Variants in CNBD1 observed in about 807,000 individuals in gnomAD.
CNBD1 encodes cyclic nucleotide-binding domain-containing protein 1.
CNBD1 carries 71 observed loss-of-function variants against 54.4 expected under a neutral mutation model. That is an observed-to-expected ratio of 1.30 (90% CI 1.08 to 1.59). The LOEUF (loss-of-function observed/expected upper bound fraction) is 1.59, where lower values mean the gene tolerates loss of function less well. CNBD1 is among the 40% of genes most tolerant of loss of function. The pLI, the probability that CNBD1 is intolerant of heterozygous loss-of-function variation, is 0.00. For synonymous variants in CNBD1, 182 were observed against 170.7 expected, an observed-to-expected ratio of 1.07 and a Z score of -0.51; for missense variants, 659 against 518.0, an observed-to-expected ratio of 1.27 and a Z score of -2.64.
At chr8:87,291,744 G>A (rs889564312) in intron 8 of CNBD1, among the ~76,000 whole-genome samples, 16 of 152,100 alleles carry the variant, frequency 1.1e-4, no homozygotes, top group East Asian at 1.9e-4. Flanking sequence ...TCAGCCATTC[G>A]AGTAGCTGAG....
intron 2 of CNBD1, among the ~76,000 whole-genome samples, chr8:87,395,562 G>A (rs1329436327): frequency 6.6e-6 from 1 of 151,842 alleles, no homozygotes; most frequent in Non-Finnish European, 1.5e-5. Context: ...CTTTAAAACA[G>A]TGGTACTAAA....
chr8:87,327,171 C>A (rs1230578511), intron 8 of CNBD1, among the ~76,000 whole-genome samples: 9 of 139,794 alleles, frequency 6.4e-5, no homozygotes, highest in Non-Finnish European at 1.1e-4. Flanking sequence ...TCTCAGATCT[C>A]CAGCTGCGTG....
intron 1 of CNBD1, among the ~76,000 whole-genome samples, chr8:86,877,075 T>A (rs905709772): frequency 6.6e-6 from 1 of 152,060 alleles, no homozygotes; most frequent in African/African-American, 2.4e-5. Flanking sequence ...TCTTCACATG[T>A]TGATTTTGTT....
rs75759885 is a variant in CNBD1 at position 87,272,596 on chromosome 8, A to C, written c.772-12082A>C. On this transcript the variant is annotated intron_variant, in intron 6 of 10. Transcript: ENST00000518476. The stretch of plus-strand genomic sequence containing the variant: ...TTTATGACAAGAAAAAGTCTGTGAT[A>C]TTAAGCTCCCAAAATGTATCATCTT... Among the ~76,000 whole-genome samples, 1,307 of 152,100 alleles carry C rather than the reference A, an allele frequency of 8.6e-3. 33 individuals carry two copies. The highest frequency in any genetic ancestry group is 0.03 in the African/African-American group (1,229 of 41,558).
At chr8:86,913,221 T>A (rs1809131156) in intron 3 of CNBD1, among the ~76,000 whole-genome samples, 1 of 152,174 alleles carries the variant, frequency 6.6e-6, no homozygotes, top group Non-Finnish European at 1.5e-5. Context: ...CATACAGTAA[T>A]GTCCTACTCA....
chr8:87,054,987 C>G (rs949669936), intron 4 of CNBD1, among the ~76,000 whole-genome samples: 1 of 152,064 alleles, frequency 6.6e-6, no homozygotes, highest in South Asian at 2.1e-4. Flanking sequence ...AAACTGAGAA[C>G]GAGAAGCCTC....
intron 4 of CNBD1, among the ~76,000 whole-genome samples, chr8:87,096,036 A>G (rs994917707): frequency 1.3e-5 from 2 of 152,188 alleles, no homozygotes; most frequent in Non-Finnish European, 2.9e-5. Context: ...AACAGATGTT[A>G]GGTAATTGGG....
At chr8:87,127,760 T>G (rs1438278707) in intron 4 of CNBD1, among the ~76,000 whole-genome samples, 1 of 152,114 alleles carries the variant, frequency 6.6e-6, no homozygotes, top group East Asian at 1.9e-4. Context: ...CTTTTATCAT[T>G]AAGTATTTCA....
chr8:86,931,475 C>A (rs975011374), intron 3 of CNBD1, among the ~76,000 whole-genome samples: 6 of 104,996 alleles, frequency 5.7e-5, no homozygotes, highest in Non-Finnish European at 1.2e-4. Flanking sequence ...TTTCTCATTG[C>A]ACATTTTTTT....
At chr8:87,254,089 T>C (rs1369593593) in intron 6 of CNBD1, among the ~76,000 whole-genome samples, 4 of 152,124 alleles carry the variant, frequency 2.6e-5, no homozygotes, top group Non-Finnish European at 1.5e-5. Flanking sequence ...ATTACAGAAA[T>C]AGGTCAGAAA....
intron 8 of CNBD1, among the ~76,000 whole-genome samples, chr8:87,349,438 T>A (rs10089265): frequency 3.3e-5 from 5 of 152,092 alleles, no homozygotes; most frequent in African/African-American, 1.2e-4. Flanking sequence ...TGCAGTGTCA[T>A]GAGCTCAGCT....
chr8:87,240,101 CACAG>C (rs1394525410), intron 6 of CNBD1, among the ~76,000 whole-genome samples: 6 of 149,908 alleles, frequency 4.0e-5, no homozygotes, highest in African/African-American at 1.5e-4. Flanking sequence ...CACACACACA[CACAG>C]ACACAAACAT....
chr8:87,303,647 T>TA (rs376396099), intron 8 of CNBD1, among the ~76,000 whole-genome samples: 25,537 of 149,318 alleles, frequency 0.17, 3,196 homozygotes, highest in African/African-American at 0.36. Context: ...GGGATCTAAT[T>TA]AACTAAAGAG....
chr8:87,131,136 A>C (rs1478736090), intron 4 of CNBD1, among the ~76,000 whole-genome samples: 5 of 151,780 alleles, frequency 3.3e-5, no homozygotes, highest in African/African-American at 1.2e-4. Context: ...TATTAAAAAA[A>C]ATCTGCATTC....
chr8:87,407,286 C>T (rs956873258), intron 2 of CNBD1, among the ~76,000 whole-genome samples: 1 of 151,910 alleles, frequency 6.6e-6, no homozygotes, highest in African/African-American at 2.4e-5. Context: ...TATATGGCCT[C>T]CTTTGTCCAC....
In CNBD1 at chr8:86,944,676, G is replaced by C. The variant is rs531089314; in HGVS notation, c.431+4922G>C. Among the ~76,000 whole-genome samples the C allele has an allele frequency of 2.0e-5, 3 of 152,298 alleles. No individual in the cohort carries two copies. The East Asian group carries it at 5.8e-4, about 29-fold the overall frequency. On this transcript the variant is annotated intron_variant, in intron 4 of 10. Coordinates refer to ENST00000518476, the MANE Select transcript of CNBD1 (RefSeq NM_173538.3). Reference sequence around the variant, plus strand: ...AGTGCATGAGTCAAATGGGAGACCTGGTGGAAATAGTGCTTCAGAGGTAGC... The same window carrying C: ...AGTGCATGAGTCAAATGGGAGACCTCGTGGAAATAGTGCTTCAGAGGTAGC...
chr8:87,073,345 C>T lies in CNBD1; in HGVS notation c.432-132648C>T, dbSNP rs139123502. Among the ~76,000 whole-genome samples the T allele has an allele frequency of 2.6e-3, 396 of 152,084 alleles. 3 individuals are homozygous for T. The highest frequency in any genetic ancestry group is 8.9e-3 in the African/African-American group (370 of 41,482). On this transcript the variant is annotated intron_variant, in intron 4 of 10. Transcript: ENST00000518476. ...CCTCAGCCCACTTCTGTGCCCTTGCCGGAGAGGTATTGTAGTCATCTGGAG... is the reference window on the plus strand; with the variant it reads ...CCTCAGCCCACTTCTGTGCCCTTGCTGGAGAGGTATTGTAGTCATCTGGAG...
At chr8:87,363,102 T>C (rs1340846627) in intron 10 of CNBD1, among the ~76,000 whole-genome samples, 1 of 152,018 alleles carries the variant, frequency 6.6e-6, no homozygotes, top group Admixed American at 6.6e-5. Context: ...GAACATGAAG[T>C]GTTTGGTTTT....
At chr8:87,309,138 C>G (rs1471752338) in intron 8 of CNBD1, among the ~76,000 whole-genome samples, 1 of 152,042 alleles carries the variant, frequency 6.6e-6, no homozygotes, top group Non-Finnish European at 1.5e-5. Flanking sequence ...TGTGATAGTT[C>G]TAATTTCAGT....
Sources: allele counts gnomAD v4.1 joint callset (sites outside exome capture counted in the v4.1 genomes callset), GRCh38; gene constraint gnomAD v4.1.1; transcripts MANE v1.5; gene names NCBI Gene and HGNC (gene_info 2026-07-23, HGNC 2026-07-21).